ZNF584: variants seen among roughly 807,000 people sequenced by gnomAD.
ZNF584 encodes the protein zinc finger protein 584.
Under a neutral mutation model 14.7 loss-of-function variants are expected in ZNF584, and 12 were observed. The ratio of observed to expected loss-of-function variants is 0.82; its 90% CI spans 0.52 to 1.32. The LOEUF (loss-of-function observed/expected upper bound fraction) is 1.32. Among genes scored for constraint, ZNF584 ranks in the 40% most tolerant of loss-of-function variants. The pLI is 0.00. For synonymous variants in ZNF584, 204 were observed against 190.9 expected, an observed-to-expected ratio of 1.07 and a Z score of -0.57; for missense variants, 478 against 518.8, an observed-to-expected ratio of 0.92 and a Z score of 0.76.
chr19:58,408,405 T>G (rs190435875), upstream of ZNF584: 1 of 152,348 alleles, frequency 6.6e-6, no homozygotes, highest in Admixed American at 6.5e-5. Flanking sequence ...CGCGCCTTCG[T>G]TCGTTTCTGC....
At chr19:58,403,753 G>A (rs1036008813), upstream of ZNF584, among the ~76,000 whole-genome samples, 3 of 151,952 alleles carry the variant, frequency 2.0e-5, no homozygotes, top group African/African-American at 7.3e-5. Context: ...GGCGGATCAC[G>A]AGGTCAGGAG....
chr19:58,411,746 TG>T (rs1411023380), intron 2 of ZNF584, among the ~76,000 whole-genome samples: 2 of 149,876 alleles, frequency 1.3e-5, no homozygotes, highest in Non-Finnish European at 3.0e-5. Context: ...CGGGTTCAAG[TG>T]ATTTTCCTGC....
chr19:58,410,109 TC>T lies in ZNF584; in HGVS notation c.169+23del, dbSNP rs1415854564. ...CTCACTGGGTAAGTCTCTTACACTG[TC>T]CCCCAGCACACTGACTACCCCCTCA... On this transcript the variant is annotated intron_variant, in intron 2 of 3. Transcript: ENST00000306910. The T allele has an allele frequency of 6.3e-7, 1 of 1,589,972 alleles. No individual in the cohort carries two copies. Among genetic ancestry groups the T allele is most frequent in the Non-Finnish European group, 8.6e-7 (1 of 1,168,108 alleles).
At chr19:58,414,992 A>G (rs1018630593) in intron 2 of ZNF584, among the ~76,000 whole-genome samples, 8 of 151,816 alleles carry the variant, frequency 5.3e-5, no homozygotes, top group South Asian at 4.2e-4. Flanking sequence ...TCCCAGGTTC[A>G]TGCCATTCTC....
Position 58,408,884 on chromosome 19 carries a change from C to T in ZNF584, c.-264C>T, listed in dbSNP as rs1414395278. ...GTGAAGGGCAGGGACCTTTGCCGCGCCTTCCACGCGCCGTGCCCCACCGGC... is the reference window on the plus strand; with the variant it reads ...GTGAAGGGCAGGGACCTTTGCCGCGTCTTCCACGCGCCGTGCCCCACCGGC... On this transcript the variant is annotated 5_prime_UTR_variant, in exon 1 of 4. Coordinates refer to ENST00000306910, the MANE Select transcript of ZNF584 (RefSeq NM_173548.3). The T allele has an allele frequency of 1.2e-5, 5 of 403,630 alleles. No homozygotes were observed. Among genetic ancestry groups the T allele is most frequent in the Non-Finnish European group, 2.2e-5 (5 of 225,248 alleles). 25.0% of individuals were successfully genotyped at this position (403,630 alleles called of 1,614,324 possible). A position where few individuals can be genotyped will look rare whatever the true frequency, so the allele number is the denominator to read the frequency against.
chr19:58,412,859 TTTC>T (rs1171432187), intron 2 of ZNF584, among the ~76,000 whole-genome samples: 1 of 152,224 alleles, frequency 6.6e-6, no homozygotes, highest in Non-Finnish European at 1.5e-5. Flanking sequence ...AGATTTTCTG[TTTC>T]TTCTTGACTC....
intron 2 of ZNF584, among the ~76,000 whole-genome samples, chr19:58,411,480 C>T (rs560837765): frequency 3.4e-5 from 5 of 148,528 alleles, no homozygotes; most frequent in African/African-American, 7.5e-5. Context: ...GAGCTGAGAT[C>T]GCACCATTGC....
intron 1 of ZNF584, among the ~76,000 whole-genome samples, chr19:58,402,349 A>G (rs2052436882): frequency 6.6e-6 from 1 of 152,170 alleles, no homozygotes; most frequent in African/African-American, 2.4e-5. Context: ...GAGGGGCCAC[A>G]AGCTACCTGT....
rs954633865 is a variant in ZNF584 at position 58,417,916 on chromosome 19, G to T, written c.*132G>T. 20 of 1,209,596 alleles carry T rather than the reference G, an allele frequency of 1.7e-5. 1 individual carries two copies. In the South Asian group the frequency reaches 2.6e-4, roughly 15 times the overall value. 74.9% of individuals were successfully genotyped at this position (1,209,596 alleles called of 1,614,324 possible). ...CCAGGGAGAGTTCCCGTGTGTGCCT[G>T]GTGTGTGGGACGCTTTCGGGAGCCA... On this transcript the variant is annotated 3_prime_UTR_variant, in exon 4 of 4. Coordinates refer to ENST00000306910, the MANE Select transcript of ZNF584 (RefSeq NM_173548.3).
rs113304468 is a variant in ZNF584 at position 58,403,126 on chromosome 19, G to C, written n.92+1464G>C. Among the ~76,000 whole-genome samples, 593 of 152,312 alleles carry C rather than the reference G, an allele frequency of 3.9e-3. 6 individuals carry two copies. Among genetic ancestry groups the C allele is most frequent in the South Asian group, 0.032 (156 of 4,820 alleles). Reference sequence around the variant, plus strand: ...GAAGACAGTTTGGCAGTTTCTTACAGAAAGTTAAATATAGTCTTACCATAT... The same window carrying C: ...GAAGACAGTTTGGCAGTTTCTTACACAAAGTTAAATATAGTCTTACCATAT... On this transcript the variant is annotated intron_variant and non_coding_transcript_variant, in intron 1 of 3. Transcript: ENST00000594993.
chr19:58,407,570 A>G (rs1271160145), upstream of ZNF584, among the ~76,000 whole-genome samples: 1 of 152,190 alleles, frequency 6.6e-6, no homozygotes, highest in East Asian at 1.9e-4. Flanking sequence ...GCCACGACCA[A>G]CAGCGACTTC....
At chr19:58,409,920 C>T (rs757816867) in intron 1 of ZNF584, 21 bp from the exon 2 acceptor site, 7 of 1,613,930 alleles carry the variant, frequency 4.3e-6, no homozygotes, top group Non-Finnish European at 5.1e-6. Context: ...TTGTTTTTTT[C>T]TGCCCATCAT....
At position 58,417,468 on chromosome 19, in the gene ZNF584, A is replaced by G. The variant is rs2122251898; in HGVS notation, c.950A>G (p.Gln317Arg). The part of the protein sequence containing the change: ...FKYNNSFILH[Q>R]RVHTGERPFE... ...TACAATAATAGCTTCATTCTTCACC[A>G]GAGAGTTCACACTGGAGAAAGGCCT... Residue 317 changes from glutamine (Q) to arginine (R), a missense_variant, in exon 4 of 4, where the codon CAG (glutamine) becomes CGG (arginine). Coordinates refer to ENST00000306910, the MANE Select transcript of ZNF584 (RefSeq NM_173548.3). 1.2e-6 allele frequency: 2 copies of G among 1,614,148 alleles called. No individual in the cohort carries two copies. The highest frequency in any genetic ancestry group is 1.7e-6 in the Non-Finnish European group (2 of 1,179,994).
At chr19:58,401,931 T>G (rs2122179876) in intron 1 of ZNF584, among the ~76,000 whole-genome samples, 5 of 127,626 alleles carry the variant, frequency 3.9e-5, no homozygotes, top group Non-Finnish European at 4.8e-5. Context: ...TAGCCGGACG[T>G]GGTGGCGGGC....
intron 3 of ZNF584, chr19:58,416,192 T>C (rs2052640109): frequency 2.5e-6 from 1 of 407,020 alleles, no homozygotes. Context: ...CCATATTCAG[T>C]TGTGCCAGGC....
Position 58,415,557 on chromosome 19 carries a change from A to G in ZNF584, c.203A>G (p.Gln68Arg). Residue 68 changes from glutamine to arginine, a missense_variant, in exon 3 of 4, where the codon CAG (glutamine) becomes CGG (arginine). Around this residue, in one of 3 missense-constraint regions of ZNF584, gnomAD observed 189 missense variants for 177.9 expected, o/e 1.06. Transcript: ENST00000306910. ...LAPSRSPVFT[Q>R]LEDDEQSWVP... ...CCTTCGAGATCCCCTGTGTTTACCC[A>G]GCTGGAGGATGATGAACAGTCGTGG... The G allele has an allele frequency of 1.2e-6, 2 of 1,613,886 alleles. No individual in the cohort carries two copies. Among genetic ancestry groups the G allele is most frequent in the Non-Finnish European group, 1.7e-6 (2 of 1,179,816 alleles).
At chr19:58,416,552 A>C in intron 3 of ZNF584, 1 of 313,474 alleles carries the variant, frequency 3.2e-6, no homozygotes, top group East Asian at 5.3e-5. Flanking sequence ...ACAGGCATGC[A>C]TCACCACACC....
Position 58,417,336 on chromosome 19 carries a change from G to A in ZNF584, c.818G>A (p.Ser273Asn). 2 of 1,613,988 alleles carry A rather than the reference G, an allele frequency of 1.2e-6. No individual in the cohort carries two copies. Among genetic ancestry groups the A allele is most frequent in the South Asian group, 1.1e-5 (1 of 91,066 alleles). The change falls in exon 4 of 4, where the codon AGC (serine) becomes AAC (asparagine). Residue 273 changes from serine (S) to asparagine (N), a missense_variant. Ser to Asn is a conservative substitution (Grantham distance 46, BLOSUM62 1). This residue lies in a region of ZNF584 where 283 missense variants were observed against 317.3 expected (regional missense o/e 0.89). Coordinates refer to ENST00000306910, the MANE Select transcript of ZNF584 (RefSeq NM_173548.3). ...ACTGGAGAAAGGCCTTACGAGTGCA[G>A]CAAATGTGGTAAAACCTTCAGTGTT... Reference protein sequence around the residue: ...IHTGERPYECSKCGKTFSVLS... With the variant: ...IHTGERPYECNKCGKTFSVLS...
chr19:58,404,893 G>C (rs1599942011), upstream of ZNF584: 1 of 146,816 alleles, frequency 6.8e-6, no homozygotes, highest in Admixed American at 7.1e-5. Flanking sequence ...CCTCCTGGAC[G>C]GGGCGGCTGG....
Sources: allele counts gnomAD v4.1 joint callset (sites outside exome capture counted in the v4.1 genomes callset), GRCh38; gene constraint gnomAD v4.1.1; regional missense constraint gnomAD v4.1.1; transcripts MANE v1.5; gene names NCBI Gene and HGNC (gene_info 2026-07-23, HGNC 2026-07-21).